Variants in NEGR1 observed in about 807,000 individuals in gnomAD.
The protein encoded by NEGR1 is IgLON family member 4.
In NEGR1, 10 loss-of-function variants were observed where a neutral mutation model predicts 40.9. That is an observed-to-expected ratio of 0.24 (90% CI 0.15 to 0.42). The LOEUF is 0.42. Ranked by LOEUF, NEGR1 falls within the 10% of genes least tolerant of loss-of-function variation. The probability of loss-of-function intolerance (pLI) is 1.00; values close to 1 mark genes in which losing one functional copy is unlikely to be tolerated. For missense variants in NEGR1, 352 were observed against 438.9 expected, an observed-to-expected ratio of 0.80 and a Z score of 1.77; for synonymous variants, 185 against 166.8, an observed-to-expected ratio of 1.11 and a Z score of -0.84.
At chr1:72,200,151 T>A (rs1653152312) in intron 1 of NEGR1, among the ~76,000 whole-genome samples, 1 of 151,934 alleles carries the variant, frequency 6.6e-6, no homozygotes, top group Non-Finnish European at 1.5e-5. Flanking sequence ...TAATTTGACC[T>A]AGCAATCCTA....
intron 3 of NEGR1, among the ~76,000 whole-genome samples, chr1:71,704,737 T>C (rs1257316154): frequency 6.6e-6 from 1 of 151,950 alleles, no homozygotes; most frequent in African/African-American, 2.4e-5. Flanking sequence ...ACAAATTCTT[T>C]CTGAAAATGG....
At chr1:71,538,060 AG>A (rs1328849512) in intron 6 of NEGR1, among the ~76,000 whole-genome samples, 1 of 151,776 alleles carries the variant, frequency 6.6e-6, no homozygotes, top group Non-Finnish European at 1.5e-5. Context: ...GGTGAAGAGA[AG>A]TTCACCAAGA....
chr1:71,502,787 T>C (rs1647007615), intron 6 of NEGR1, among the ~76,000 whole-genome samples: 2 of 152,160 alleles, frequency 1.3e-5, no homozygotes, highest in South Asian at 4.1e-4. Context: ...ACCTTGGTGG[T>C]TGGGCATGTT....
At chr1:71,613,837 A>G (rs1242735984) in intron 4 of NEGR1, among the ~76,000 whole-genome samples, 1 of 152,190 alleles carries the variant, frequency 6.6e-6, no homozygotes, top group Non-Finnish European at 1.5e-5. Flanking sequence ...TCATTCAGAA[A>G]TATGGCCTAA....
chr1:71,974,245 G>A (rs1158906647), intron 1 of NEGR1, among the ~76,000 whole-genome samples: 3 of 152,114 alleles, frequency 2.0e-5, no homozygotes, highest in Non-Finnish European at 2.9e-5. Context: ...TATCTCTGTA[G>A]GGATTCAAAG....
In NEGR1 at chr1:71,726,036, G is replaced by A. The variant is rs564996752; in HGVS notation, c.536-27897C>T. On this transcript the variant is annotated intron_variant, in intron 3 of 6. Coordinates refer to ENST00000357731, the MANE Select transcript of NEGR1 (RefSeq NM_173808.3). ...TCAAAGATAACTTCTTAATACTGAT[G>A]CTTGGAAAGAATGCTGGATGACAAA... 3.7e-4 allele frequency among the ~76,000 whole-genome samples: 56 copies of A among 152,240 alleles called. No homozygotes were observed. The South Asian group carries it at 5.2e-3, about 14-fold the overall frequency.
intron 1 of NEGR1, among the ~76,000 whole-genome samples, 196 bp from the exon 2 acceptor site, chr1:71,935,507 A>G (rs1408089483): frequency 6.9e-6 from 1 of 144,834 alleles, no homozygotes; most frequent in Non-Finnish European, 1.5e-5. Context: ...ACTTGTGTAC[A>G]GTTTTTTTAA....
intron 1 of NEGR1, among the ~76,000 whole-genome samples, chr1:72,233,049 C>T (rs895270952): frequency 1.3e-5 from 2 of 152,250 alleles, no homozygotes; most frequent in Non-Finnish European, 2.9e-5. Flanking sequence ...TCAATTTTAG[C>T]AAGCACTTAT....
At chr1:71,868,832 C>G (rs1378221028) in intron 2 of NEGR1, among the ~76,000 whole-genome samples, 3 of 152,038 alleles carry the variant, frequency 2.0e-5, no homozygotes, top group Non-Finnish European at 2.9e-5. Context: ...CTCTCTCTCC[C>G]CTTCCCACTT....
intron 6 of NEGR1, among the ~76,000 whole-genome samples, chr1:71,530,221 T>C (rs1647311499): frequency 6.6e-6 from 1 of 151,400 alleles, no homozygotes; most frequent in Non-Finnish European, 1.5e-5. Flanking sequence ...CTGAATACTT[T>C]TGTGAGAATT....
At chr1:71,752,694 C>G (rs922379958) in intron 3 of NEGR1, among the ~76,000 whole-genome samples, 2 of 149,520 alleles carry the variant, frequency 1.3e-5, no homozygotes, top group African/African-American at 2.6e-5. Context: ...GTCTATAAAT[C>G]AAATACTATG....
intron 2 of NEGR1, among the ~76,000 whole-genome samples, chr1:71,782,962 T>C (rs1656768804): frequency 6.6e-6 from 1 of 152,082 alleles, no homozygotes; most frequent in Admixed American, 6.6e-5. Flanking sequence ...TGTCACATCT[T>C]AGGTAGTCCC....
intron 1 of NEGR1, chr1:72,274,488 T>C (rs1655968870): frequency 1.6e-6 from 1 of 619,816 alleles, no homozygotes; most frequent in Admixed American, 2.6e-5. Context: ...GCTACACTGA[T>C]TAAAAGATAA....
chr1:71,985,761 CA>C (rs1235851594), intron 1 of NEGR1, among the ~76,000 whole-genome samples: 2 of 152,078 alleles, frequency 1.3e-5, no homozygotes, highest in Non-Finnish European at 1.5e-5. Context: ...TTAAGAATAT[CA>C]TTTATTTTCC....
In NEGR1 at chr1:71,798,715, T is replaced by G. The variant is rs568108181; in HGVS notation, c.410-22418A>C. On this transcript the variant is annotated intron_variant, in intron 2 of 6. Transcript: ENST00000357731. ...TAATATTTTTTTTCCTCCAAGGCTATGCAGGCAGAAAACAAAAACAGTAGA... is the reference window on the plus strand; with the variant it reads ...TAATATTTTTTTTCCTCCAAGGCTAGGCAGGCAGAAAACAAAAACAGTAGA... Among the ~76,000 whole-genome samples, 7 of 152,248 alleles carry G rather than the reference T, an allele frequency of 4.6e-5. No homozygotes were observed. The South Asian group carries it at 1.0e-3, about 23-fold the overall frequency.
chr1:71,979,216 G>A (rs533745174), intron 1 of NEGR1, among the ~76,000 whole-genome samples: 3 of 152,172 alleles, frequency 2.0e-5, no homozygotes, highest in East Asian at 3.9e-4. Context: ...GAAGGTAAAG[G>A]GTGGGAGGAA....
rs544073731 is a variant in NEGR1, at chr1:71,976,627, T to A, written c.177-41316A>T. ...TATTTGGGATTTGGGTAGCTTTTTTTAAAAAAGTTACTTTAAAAAAATGCT... is the reference window on the plus strand; with the variant it reads ...TATTTGGGATTTGGGTAGCTTTTTTAAAAAAAGTTACTTTAAAAAAATGCT... On this transcript the variant is annotated intron_variant, in intron 1 of 6. Coordinates refer to ENST00000357731, the MANE Select transcript of NEGR1 (RefSeq NM_173808.3). Among the ~76,000 whole-genome samples the A allele has an allele frequency of 2.6e-4, 39 of 152,306 alleles. No individual in the cohort carries two copies. In the South Asian group the frequency reaches 3.5e-3, roughly 14 times the overall value.
At chr1:72,130,151 G>A (rs899368981) in intron 1 of NEGR1, among the ~76,000 whole-genome samples, 2 of 152,010 alleles carry the variant, frequency 1.3e-5, no homozygotes, top group Admixed American at 6.6e-5. Context: ...AATTACTTAC[G>A]CTTTTTTCTT....
intron 1 of NEGR1, among the ~76,000 whole-genome samples, chr1:72,030,850 C>A (rs989322214): frequency 6.6e-6 from 1 of 152,206 alleles, no homozygotes; most frequent in Non-Finnish European, 1.5e-5. Context: ...GAATTCTACA[C>A]ACTTTCTTAG....
Sources: gnomAD v4.1 joint callset for allele counts (sites outside exome capture counted in the v4.1 genomes callset) on GRCh38, gnomAD v4.1.1 for gene constraint, MANE v1.5 for transcripts, NCBI Gene and HGNC (gene_info 2026-07-23, HGNC 2026-07-21) for gene names.